Variants in CFI observed in about 807,000 individuals in gnomAD.
The protein encoded by CFI is complement factor I.
A neutral mutation model predicts 78.8 loss-of-function variants in CFI; 66 were observed. The ratio of observed to expected loss-of-function variants is 0.84; its 90% CI spans 0.69 to 1.03. CFI has a LOEUF of 1.03. Among genes scored for constraint, CFI ranks in the 50% least tolerant of loss-of-function variants. The probability of loss-of-function intolerance (pLI) is 0.00; values close to 1 mark genes in which losing one functional copy is unlikely to be tolerated. For synonymous variants in CFI, 250 were observed against 232.6 expected, an observed-to-expected ratio of 1.07 and a Z score of -0.68; for missense variants, 706 against 704.5, an observed-to-expected ratio of 1.00 and a Z score of -0.02.
downstream of CFI, among the ~76,000 whole-genome samples, chr4:109,737,174 C>G (rs1195936273): frequency 6.6e-6 from 1 of 152,090 alleles, no homozygotes; most frequent in East Asian, 1.9e-4. Flanking sequence ...CTTGCTGTCT[C>G]CAGCTTGAAC....
At chr4:109,798,504 A>C (rs778280421) in intron 1 of CFI, among the ~76,000 whole-genome samples, 9 of 52,374 alleles carry the variant, frequency 1.7e-4, no homozygotes, top group Non-Finnish European at 2.1e-4. Flanking sequence ...TAACTCAATA[A>C]AGTGTTTTTT....
chr4:109,777,644 G>A (rs566022393), intron 1 of CFI, among the ~76,000 whole-genome samples: 1 of 152,156 alleles, frequency 6.6e-6, no homozygotes, highest in Non-Finnish European at 1.5e-5. Context: ...AATAGACATC[G>A]ACAGAACTCT....
intron 6 of CFI, chr4:109,757,999 C>T: frequency 7.2e-7 from 1 of 1,388,366 alleles, no homozygotes; most frequent in Non-Finnish European, 9.5e-7. Context: ...GCAAAGAGAT[C>T]ATTTTGATTT....
chr4:109,790,629 C>T (rs949792874), intron 1 of CFI, among the ~76,000 whole-genome samples: 3 of 152,006 alleles, frequency 2.0e-5, no homozygotes, highest in African/African-American at 7.2e-5. Context: ...TCTGATAGGC[C>T]CCTCTATGTG....
chr4:109,797,264 A>G (rs1020990545), intron 1 of CFI, among the ~76,000 whole-genome samples: 8 of 152,222 alleles, frequency 5.3e-5, no homozygotes, highest in Admixed American at 4.6e-4. Flanking sequence ...AAGTTCAGAG[A>G]TAAAACCATG....
intron 3 of CFI, among the ~76,000 whole-genome samples, chr4:109,763,509 T>C (rs1727339459): frequency 1.3e-5 from 2 of 152,010 alleles, no homozygotes; most frequent in African/African-American, 4.8e-5. Flanking sequence ...TAAGTAAGTA[T>C]AATAAGGTAA....
At chr4:109,761,252 T>A (rs1231691600) in intron 4 of CFI, among the ~76,000 whole-genome samples, 1 of 152,210 alleles carries the variant, frequency 6.6e-6, no homozygotes, top group Admixed American at 6.5e-5. Flanking sequence ...CTACAGTAAC[T>A]TTAATCCAGA....
intron 1 of CFI, among the ~76,000 whole-genome samples, chr4:109,781,642 C>T (rs770195218): frequency 1.3e-5 from 2 of 152,080 alleles, no homozygotes; most frequent in Admixed American, 6.6e-5. Context: ...AGAAGGAACC[C>T]TCCCCAATTC....
At chr4:109,771,167 G>A (rs911497742) in intron 1 of CFI, among the ~76,000 whole-genome samples, 15 of 150,928 alleles carry the variant, frequency 9.9e-5, no homozygotes, top group African/African-American at 2.7e-4. Context: ...TGAGGCCAGC[G>A]GATCATGAGG....
intron 1 of CFI, among the ~76,000 whole-genome samples, chr4:109,797,606 A>G (rs1395391167): frequency 6.6e-6 from 1 of 152,250 alleles, no homozygotes; most frequent in African/African-American, 2.4e-5. Flanking sequence ...CCTTCTGCAC[A>G]GCAAAATGAA....
intron 11 of CFI, among the ~76,000 whole-genome samples, chr4:109,744,370 TA>T (rs1724162879): frequency 6.6e-6 from 1 of 152,160 alleles, no homozygotes; most frequent in Admixed American, 6.5e-5. Context: ...ATATGTTGAA[TA>T]GCTCCTGAAT....
chr4:109,751,421 A>C (rs1453658086), intron 8 of CFI, among the ~76,000 whole-genome samples: 1 of 147,878 alleles, frequency 6.8e-6, no homozygotes, highest in Non-Finnish European at 1.5e-5. Context: ...TAACATCTAT[A>C]GCTTCGAGAG....
chr4:109,801,612 A>T (rs1000632709), intron 1 of CFI, among the ~76,000 whole-genome samples: 1 of 152,222 alleles, frequency 6.6e-6, no homozygotes, highest in Non-Finnish European at 1.5e-5. Context: ...CCTTACACAC[A>T]GGAGGAGCCT....
chr4:109,755,633 C>A (rs1373384030), intron 7 of CFI, among the ~76,000 whole-genome samples: 1 of 152,134 alleles, frequency 6.6e-6, no homozygotes, highest in African/African-American at 2.4e-5. Flanking sequence ...GCCCTTCAAC[C>A]TCCTGCCATG....
At chr4:109,761,348 A>T (rs188516013) in intron 4 of CFI, among the ~76,000 whole-genome samples, 169 bp downstream of exon 4, 2 of 152,286 alleles carry the variant, frequency 1.3e-5, no homozygotes, top group African/African-American at 4.8e-5. Context: ...GCAAAATGGT[A>T]CAATAGGGGA....
chr4:109,800,828 G>A (rs577817799), intron 1 of CFI, among the ~76,000 whole-genome samples: 1 of 152,082 alleles, frequency 6.6e-6, no homozygotes, highest in East Asian at 1.9e-4. Flanking sequence ...TTGTAGTAAG[G>A]ACTTTTTATT....
intron 3 of CFI, chr4:109,762,020 A>G (rs913309742): frequency 6.6e-6 from 2 of 304,436 alleles, no homozygotes; most frequent in African/African-American, 4.4e-5. Flanking sequence ...TGAAAATCCT[A>G]TCTCTACCAA....
At chr4:109,752,962 T>TA (rs1344687892) in intron 7 of CFI, among the ~76,000 whole-genome samples, 1 of 41,124 alleles carries the variant, frequency 2.4e-5, no homozygotes, top group Non-Finnish European at 5.3e-5. Context: ...TACATATTTA[T>TA]TATATATTTA....
chr4:109,746,345 T>C lies in CFI; in HGVS notation c.1306A>G (p.Lys436Glu), dbSNP rs1267733128. Residue 436 changes from lysine (K) to glutamate (E), a missense_variant, in exon 11 of 13, where the codon AAA (lysine) becomes GAA (glutamate). Transcript: ENST00000394634. Reference protein sequence around the residue: ...YQNDIALIEMKKDGNKKDCEL... With the variant: ...YQNDIALIEMEKDGNKKDCEL... ...CAATCTTTTTTGTTTCCGTCTTTTT[T>C]CATTTCAATCAAAGCGATGTCATTT... The C allele has an allele frequency of 6.2e-7, 1 of 1,614,230 alleles. No individual in the cohort carries two copies.
Sources: allele counts gnomAD v4.1 joint callset (sites outside exome capture counted in the v4.1 genomes callset), GRCh38; gene constraint gnomAD v4.1.1; transcripts MANE v1.5; gene names NCBI Gene and HGNC (gene_info 2026-07-23, HGNC 2026-07-21).